Variants in CRPPA observed in about 807,000 individuals in gnomAD.
CRPPA encodes the protein D-ribitol-5-phosphate cytidylyltransferase.
CRPPA carries 43 observed loss-of-function variants against 52.0 expected under a neutral mutation model. The ratio of observed to expected loss-of-function variants is 0.83; its 90% CI spans 0.65 to 1.07. The LOEUF (loss-of-function observed/expected upper bound fraction) is 1.07. Ranked by LOEUF, CRPPA falls within the 50% of genes least tolerant of loss-of-function variation. CRPPA has a pLI of 0.00. For synonymous variants in CRPPA, 250 were observed against 203.5 expected, an observed-to-expected ratio of 1.23 and a Z score of -1.94; for missense variants, 629 against 551.7, an observed-to-expected ratio of 1.14 and a Z score of -1.40.
chr7:16,209,015 C>G (rs991270821), intron 9 of CRPPA: 15 of 435,014 alleles, frequency 3.4e-5, no homozygotes, highest in Non-Finnish European at 5.5e-5. Context: ...CATGAAGTGA[C>G]ACAGGGCAAG....
At chr7:16,289,236 C>G (rs749248525) in intron 5 of CRPPA, among the ~76,000 whole-genome samples, 3 of 151,870 alleles carry the variant, frequency 2.0e-5, no homozygotes, top group African/African-American at 7.3e-5. Flanking sequence ...AACGAAAAGC[C>G]CAGGACCAGA....
At chr7:16,283,289 T>C in intron 5 of CRPPA, among the ~76,000 whole-genome samples, 1 of 94,990 alleles carries the variant, frequency 1.1e-5, no homozygotes, top group South Asian at 3.3e-4. Context: ...TATAGAGATC[T>C]ACCTATTCAT....
At chr7:16,321,294 G>A (rs534303954) in intron 3 of CRPPA, among the ~76,000 whole-genome samples, 8 of 152,034 alleles carry the variant, frequency 5.3e-5, no homozygotes, top group Non-Finnish European at 1.0e-4. Context: ...TCCCTAAAAT[G>A]CTTTACCCTA....
chr7:16,391,430 A>G (rs1198907426), intron 2 of CRPPA, among the ~76,000 whole-genome samples: 1 of 152,114 alleles, frequency 6.6e-6, no homozygotes, highest in Non-Finnish European at 1.5e-5. Context: ...CCCAATTGGT[A>G]TCTCTTTCAC....
intron 9 of CRPPA, among the ~76,000 whole-genome samples, chr7:16,213,265 C>G (rs928556989): frequency 3.6e-4 from 55 of 152,070 alleles, no homozygotes; most frequent in Non-Finnish European, 7.8e-4. Flanking sequence ...TGATGACTTG[C>G]ACAGCAAAGT....
chr7:16,305,677 C>A (rs1036743899), intron 4 of CRPPA, among the ~76,000 whole-genome samples: 17 of 152,086 alleles, frequency 1.1e-4, no homozygotes, highest in African/African-American at 4.1e-4. Flanking sequence ...ACCATCCTGG[C>A]CAACATGGTG....
chr7:16,213,298 T>C (rs1171134728), intron 9 of CRPPA, among the ~76,000 whole-genome samples: 3 of 152,172 alleles, frequency 2.0e-5, no homozygotes, highest in African/African-American at 4.8e-5. Flanking sequence ...GAAAAGTGAA[T>C]AATATTTTAC....
At chr7:16,383,782 C>T (rs200698487) in intron 2 of CRPPA, among the ~76,000 whole-genome samples, 3 of 152,354 alleles carry the variant, frequency 2.0e-5, no homozygotes, top group East Asian at 3.9e-4. Context: ...ACTCCATGGG[C>T]GTAGGACCCT....
At chr7:16,158,713 T>C (rs370591268) in intron 9 of CRPPA, among the ~76,000 whole-genome samples, 7 of 152,204 alleles carry the variant, frequency 4.6e-5, no homozygotes, top group Non-Finnish European at 1.0e-4. Flanking sequence ...TAAAACAGCA[T>C]AGCTTTCCTT....
At chr7:16,405,109 A>G (rs542507948) in intron 2 of CRPPA, among the ~76,000 whole-genome samples, 2 of 152,124 alleles carry the variant, frequency 1.3e-5, no homozygotes, top group South Asian at 4.1e-4. Flanking sequence ...AAGGGGAAAA[A>G]AAAAAAAGCT....
chr7:16,356,423 G>T (rs1256577204), intron 3 of CRPPA, among the ~76,000 whole-genome samples: 1 of 152,150 alleles, frequency 6.6e-6, no homozygotes, highest in South Asian at 2.1e-4. Flanking sequence ...CTTGGAGGTG[G>T]GGGAGTATCT....
At chr7:16,316,468 TTATGGTTTTGTTCCTGAACATATA>T (rs1246071428) in intron 3 of CRPPA, among the ~76,000 whole-genome samples, 1 of 152,042 alleles carries the variant, frequency 6.6e-6, no homozygotes, top group African/African-American at 2.4e-5. Flanking sequence ...TGCTTATGAG[TTATGGTTTTGTTCCTGAACATATA>T]TATGGTTTTG....
intron 1 of CRPPA, among the ~76,000 whole-genome samples, chr7:16,413,796 T>C (rs964323797): frequency 3.3e-5 from 5 of 152,228 alleles, no homozygotes; most frequent in African/African-American, 4.8e-5. Context: ...TAATGAAATA[T>C]AGACTTTCAT....
intron 8 of CRPPA, among the ~76,000 whole-genome samples, chr7:16,222,044 C>G (rs1335563549): frequency 1.3e-3 from 202 of 150,208 alleles, no homozygotes; most frequent in African/African-American, 4.8e-3. Context: ...TTGGAACCAA[C>G]CCAAATGTCC....
chr7:16,106,241 C>T (rs1203060215), intron 9 of CRPPA, among the ~76,000 whole-genome samples: 1 of 152,224 alleles, frequency 6.6e-6, no homozygotes, highest in Non-Finnish European at 1.5e-5. Flanking sequence ...AAAAACCCAT[C>T]CTGTGGCTCC....
intron 9 of CRPPA, among the ~76,000 whole-genome samples, chr7:16,178,441 A>G (rs1781348234): frequency 6.6e-6 from 1 of 152,152 alleles, no homozygotes; most frequent in Non-Finnish European, 1.5e-5. Context: ...AAGATTAAAG[A>G]AACATTTATG....
chr7:16,124,115 A>AT lies in CRPPA; in HGVS notation c.1252-32317dup, dbSNP rs57694069. 1.3e-3 allele frequency among the ~76,000 whole-genome samples: 188 copies of AT among 144,558 alleles called. 5 individuals carry two copies. The highest frequency in any genetic ancestry group is 4.5e-3 in the African/African-American group (175 of 39,196). The allele number at this position is 144,558 out of a possible 152,430, so 94.8% of individuals were successfully genotyped here. On this transcript the variant is annotated intron_variant, in intron 9 of 9. Transcript: ENST00000407010. ...ATAGGCTCAATTTCTTTCTTTTTTT[A>AT]TTTTTTTTTTGAGGAACCTCCATAC...
intron 3 of CRPPA, among the ~76,000 whole-genome samples, chr7:16,365,172 A>G (rs199529294): frequency 6.6e-6 from 1 of 152,264 alleles, no homozygotes; most frequent in East Asian, 1.9e-4. Context: ...ACCATGATAC[A>G]GGTCATAGGA....
intron 5 of CRPPA, among the ~76,000 whole-genome samples, chr7:16,283,198 A>T (rs1042634752): frequency 1.3e-5 from 2 of 151,290 alleles, no homozygotes; most frequent in African/African-American, 4.8e-5. Flanking sequence ...CATATATATG[A>T]TACAACATTT....
Sources: gnomAD v4.1 joint callset for allele counts (sites outside exome capture counted in the v4.1 genomes callset) on GRCh38, gnomAD v4.1.1 for gene constraint, MANE v1.5 for transcripts, NCBI Gene and HGNC (gene_info 2026-07-23, HGNC 2026-07-21) for gene names.